Variants in PTPRA observed in about 807,000 individuals in gnomAD.
PTPRA encodes receptor-type tyrosine-protein phosphatase alpha.
A neutral mutation model predicts 104.8 loss-of-function variants in PTPRA; 25 were observed. The ratio of observed to expected loss-of-function variants is 0.24; its 90% CI spans 0.17 to 0.33. The LOEUF is 0.33. PTPRA is among the 10% of genes least tolerant of loss of function. The pLI, the probability that PTPRA is intolerant of heterozygous loss-of-function variation, is 1.00. For missense variants in PTPRA, 765 were observed against 1,015.3 expected (o/e 0.75, Z 3.35); for synonymous variants, 323 against 368.9 (o/e 0.88, Z 1.43).
intron 1 of PTPRA, among the ~76,000 whole-genome samples, chr20:2,896,241 T>C (rs981067888): frequency 1.5e-4 from 23 of 151,954 alleles, no homozygotes; most frequent in African/African-American, 5.6e-4. Context: ...TAGCCGGGCA[T>C]GGTGGTGGGT....
chr20:3,020,469 C>G (rs1328748434), intron 13 of PTPRA, among the ~76,000 whole-genome samples: 1 of 152,186 alleles, frequency 6.6e-6, no homozygotes, highest in Non-Finnish European at 1.5e-5. Context: ...CCTGCTGAGG[C>G]CTTTGGTATA....
At chr20:3,008,891 G>A (rs1421541750) in intron 11 of PTPRA, among the ~76,000 whole-genome samples, 7 of 151,924 alleles carry the variant, frequency 4.6e-5, no homozygotes, top group Admixed American at 3.9e-4. Context: ...CAGCCTGGGC[G>A]ACAGGGTGAG....
chr20:2,937,626 C>T (rs2060755986), intron 2 of PTPRA, among the ~76,000 whole-genome samples: 1 of 151,968 alleles, frequency 6.6e-6, no homozygotes, highest in South Asian at 2.1e-4. Context: ...TGGATATATG[C>T]ATATATAGAC....
chr20:2,921,017 C>T (rs2060077577), intron 1 of PTPRA, among the ~76,000 whole-genome samples: 1 of 152,054 alleles, frequency 6.6e-6, no homozygotes, highest in Admixed American at 6.6e-5. Context: ...GAACTGTTTG[C>T]TTAATGTGCT....
intron 13 of PTPRA, 25 bp downstream of exon 13, chr20:3,017,938 C>A (rs1342596710): frequency 6.3e-7 from 1 of 1,577,982 alleles, no homozygotes; most frequent in African/African-American, 1.3e-5. Context: ...TGGATGTGAA[C>A]AGCAGAAGGA....
intron 1 of PTPRA, among the ~76,000 whole-genome samples, chr20:2,890,177 A>G (rs1398538337): frequency 1.3e-5 from 2 of 151,770 alleles, no homozygotes; most frequent in South Asian, 2.1e-4. Flanking sequence ...GATTACAGGC[A>G]TAAGCCACCA....
At chr20:2,987,701 T>C (rs774222505) in intron 7 of PTPRA, among the ~76,000 whole-genome samples, 6 of 152,164 alleles carry the variant, frequency 3.9e-5, no homozygotes, top group Non-Finnish European at 7.4e-5. Flanking sequence ...TTGTTTGATA[T>C]ATATTGTCTG....
intron 1 of PTPRA, among the ~76,000 whole-genome samples, chr20:2,882,725 A>C (rs2090130342): frequency 6.6e-6 from 1 of 152,228 alleles, no homozygotes; most frequent in Non-Finnish European, 1.5e-5. Context: ...TAAGAACATT[A>C]CTATATGGAA....
chr20:2,955,796 C>A, intron 3 of PTPRA: 1 of 519,752 alleles, frequency 1.9e-6, no homozygotes, highest in Non-Finnish European at 2.5e-6. Context: ...GCTTTTGTCA[C>A]TCATAGAGCT....
chr20:3,004,060 T>C (rs1290120401), intron 9 of PTPRA, among the ~76,000 whole-genome samples: 1 of 152,208 alleles, frequency 6.6e-6, no homozygotes, highest in East Asian at 1.9e-4. Flanking sequence ...CTCTGTCGCC[T>C]AGGCTGGAGT....
At chr20:2,905,069 G>A (rs2059374752) in intron 1 of PTPRA, among the ~76,000 whole-genome samples, 1 of 152,168 alleles carries the variant, frequency 6.6e-6, no homozygotes, top group Non-Finnish European at 1.5e-5. Context: ...ATCAGCAGCA[G>A]CATTAGATTT....
rs1368367003 is a variant in PTPRA at position 2,910,058 on chromosome 20, CATAT to C, written c.-128-13145_-128-13142del. 1.1e-3 allele frequency among the ~76,000 whole-genome samples: 114 copies of C among 106,066 alleles called. No homozygotes were observed. In the East Asian group the frequency reaches 0.027, roughly 25 times the overall value. 69.6% of individuals were successfully genotyped at this position (106,066 alleles called of 152,430 possible). On this transcript the variant is annotated intron_variant, in intron 1 of 23. Coordinates refer to ENST00000399903, the MANE Select transcript of PTPRA (RefSeq NM_001385305.1). Reference sequence around the variant, plus strand: ...ATATCATATATAATATATATCATATCATATATAATATATATGATGTATAGTATAT... The same window carrying C: ...ATATCATATATAATATATATCATATCATAATATATATGATGTATAGTATAT...
intron 5 of PTPRA, among the ~76,000 whole-genome samples, chr20:2,966,798 T>TAA (rs2061963139): frequency 6.6e-6 from 1 of 152,240 alleles, no homozygotes; most frequent in Non-Finnish European, 1.5e-5. Context: ...AGGCCACCAC[T>TAA]AGTTGTTTGT....
At chr20:3,011,601 C>T (rs1245401951) in intron 11 of PTPRA, among the ~76,000 whole-genome samples, 1 of 152,164 alleles carries the variant, frequency 6.6e-6, no homozygotes, top group Non-Finnish European at 1.5e-5. Context: ...AGCAAAGTCA[C>T]AGAGACTAGA....
intron 19 of PTPRA, 126 bp downstream of exon 19, chr20:3,027,323 A>G (rs1004204833): frequency 3.1e-6 from 3 of 975,540 alleles, no homozygotes; most frequent in Non-Finnish European, 3.2e-6. Flanking sequence ...TAGTGAATTG[A>G]TACTCACCCA....
intron 1 of PTPRA, among the ~76,000 whole-genome samples, chr20:2,881,596 G>T (rs1044486210): frequency 6.6e-6 from 1 of 152,136 alleles, no homozygotes; most frequent in East Asian, 1.9e-4. Flanking sequence ...GCTCACTGCA[G>T]CATTGAACTC....
chr20:2,934,483 A>G (rs1266614229), intron 2 of PTPRA, among the ~76,000 whole-genome samples: 1 of 152,156 alleles, frequency 6.6e-6, no homozygotes, highest in African/African-American at 2.4e-5. Flanking sequence ...ATATTATTGT[A>G]TTAATATAAT....
intron 9 of PTPRA, among the ~76,000 whole-genome samples, chr20:2,993,417 A>G (rs148279644): frequency 5.6e-4 from 86 of 152,354 alleles, no homozygotes; most frequent in African/African-American, 1.9e-3. Flanking sequence ...TGTCATTAGC[A>G]TAGTTGTCAA....
chr20:2,965,032 C>T lies in PTPRA; in HGVS notation c.245C>T (p.Ser82Leu). The change falls in exon 5 of 24, where the codon TCA (serine) becomes TTA (leucine). Residue 82 changes from serine (S) to leucine (L), a missense_variant. Around this residue, in one of 4 missense-constraint regions of PTPRA, gnomAD observed 256 missense variants for 248.9 expected, o/e 1.03. Coordinates refer to ENST00000399903, the MANE Select transcript of PTPRA (RefSeq NM_001385305.1). ...GPTYLTTVNS[S>L]DSDNGTTRTA... ...ACCTATTTAACCACTGTCAATTCTTCAGACTCTGACAATGGGACCACAAGA... is the reference window on the plus strand; with the variant it reads ...ACCTATTTAACCACTGTCAATTCTTTAGACTCTGACAATGGGACCACAAGA... The T allele has an allele frequency of 6.2e-7, 1 of 1,614,108 alleles. No homozygotes were observed. Among genetic ancestry groups the T allele is most frequent in the Non-Finnish European group, 8.5e-7 (1 of 1,179,972 alleles).
Sources: gnomAD v4.1 joint callset for allele counts (sites outside exome capture counted in the v4.1 genomes callset) on GRCh38, gnomAD v4.1.1 for gene constraint, gnomAD v4.1.1 regional missense constraint, MANE v1.5 for transcripts, NCBI Gene and HGNC (gene_info 2026-07-23, HGNC 2026-07-21) for gene names.